Variants in KCNG4 observed in about 807,000 individuals in gnomAD.
KCNG4 encodes the protein potassium voltage-gated channel modifier subfamily G member 4, also known as voltage-gated potassium channel regulatory subunit KCNG4.
A neutral mutation model predicts 28.2 loss-of-function variants in KCNG4; 30 were observed. The ratio of observed to expected loss-of-function variants is 1.06; its 90% CI spans 0.80 to 1.44. The LOEUF (loss-of-function observed/expected upper bound fraction) is 1.44, where lower values mean the gene tolerates loss of function less well. Ranked by LOEUF, KCNG4 falls within the 40% of genes most tolerant of loss-of-function variation. The pLI is 0.00. For missense variants in KCNG4, 879 were observed against 712.3 expected (o/e 1.23, Z -2.66); for synonymous variants, 375 against 315.5 (o/e 1.19, Z -2.00).
intron 2 of KCNG4, among the ~76,000 whole-genome samples, chr16:84,231,490 G>A (rs764917640): frequency 1.4e-4 from 22 of 152,168 alleles, no homozygotes; most frequent in Non-Finnish European, 2.5e-4. Context: ...GAGAGGGTGC[G>A]AGGGATGCAT....
intron 2 of KCNG4, among the ~76,000 whole-genome samples, chr16:84,235,084 G>C (rs1027517235): frequency 6.6e-6 from 1 of 152,166 alleles, no homozygotes. Flanking sequence ...TGAAACTTTG[G>C]CTGCGCAGGT....
At chr16:84,229,943 G>A (rs1448738907) in intron 2 of KCNG4, among the ~76,000 whole-genome samples, 2 of 152,196 alleles carry the variant, frequency 1.3e-5, no homozygotes, top group East Asian at 1.9e-4. Flanking sequence ...AGTTTTTTAG[G>A]AAGCTGATTC....
Position 84,236,771 on chromosome 16 carries a change from A to G in KCNG4, c.715T>C (p.Cys239Arg). Residue 239 changes from cysteine (C) to arginine (R), a missense_variant, in exon 2 of 3, where the codon TGT becomes CGT. Coordinates refer to ENST00000308251, the MANE Select transcript of KCNG4 (RefSeq NM_172347.3). ...LFVATTAVSLCVSTMPDLRAE... is the reference protein window; with the variant it reads ...LFVATTAVSLRVSTMPDLRAE... The stretch of plus-strand genomic sequence containing the variant: ...CTGAGGTCGGGCATGGTGCTGACAC[A>G]CAGGCTGACGGCTGTGGTGGCCACG... 1 of 1,613,730 alleles carries G rather than the reference A, an allele frequency of 6.2e-7. No homozygotes were observed. Among genetic ancestry groups the G allele is most frequent in the South Asian group, 1.1e-5 (1 of 91,066 alleles).
chr16:84,222,140 C>G lies in KCNG4; in HGVS notation c.*77G>C, dbSNP rs1172378585. On this transcript the variant is annotated 3_prime_UTR_variant, in exon 3 of 3. Coordinates refer to ENST00000308251, the MANE Select transcript of KCNG4 (RefSeq NM_172347.3). ...GGCTCTAGAAACACCACCAGGTGGT[C>G]TATGCGGGGTACCCTTGAGTGTGTT... The G allele has an allele frequency of 6.9e-7, 1 of 1,444,136 alleles. No individual in the cohort carries two copies. Among genetic ancestry groups the G allele is most frequent in the African/African-American group, 1.4e-5 (1 of 71,470 alleles). The allele number at this position is 1,444,136 out of a possible 1,614,324, so 89.5% of individuals were successfully genotyped here.
intron 2 of KCNG4, among the ~76,000 whole-genome samples, chr16:84,227,727 T>C (rs1904729231): frequency 1.3e-5 from 2 of 152,120 alleles, no homozygotes; most frequent in Non-Finnish European, 2.9e-5. Context: ...TACAATGGAA[T>C]AGTAGTCAGC....
In KCNG4 at chr16:84,227,530, T is replaced by C. The variant is rs578087007; in HGVS notation, c.757-4510A>G. On this transcript the variant is annotated intron_variant, in intron 2 of 2. Transcript: ENST00000308251. ...AGGTGGAGGTTGCAGGGAGCCAAGC[T>C]TGTGCCACTGCACTGCAGCCTGGGC... Among the ~76,000 whole-genome samples the C allele has an allele frequency of 1.4e-3, 209 of 152,306 alleles. 1 individual carries two copies. The highest frequency in any genetic ancestry group is 4.4e-3 in the African/African-American group (181 of 41,572).
Position 84,221,147 on chromosome 16 carries a change from T to C in KCNG4, c.*1070A>G, listed in dbSNP as rs1448691360. The C allele has an allele frequency of 1.3e-5, 2 of 152,284 alleles. No homozygotes were observed. The highest frequency in any genetic ancestry group is 4.8e-5 in the African/African-American group (2 of 41,472). The allele number at this position is 152,284 out of a possible 1,614,324, so 9.4% of individuals were successfully genotyped here. A position where few individuals can be genotyped will look rare whatever the true frequency, so the allele number is the denominator to read the frequency against. On this transcript the variant is annotated 3_prime_UTR_variant, in exon 3 of 3. Coordinates refer to ENST00000308251, the MANE Select transcript of KCNG4 (RefSeq NM_172347.3). ...AGGACAGACTCTGTTCACAGATGAATGCAGAAATGAATACATTGAAATGTG... is the reference window on the plus strand; with the variant it reads ...AGGACAGACTCTGTTCACAGATGAACGCAGAAATGAATACATTGAAATGTG...
chr16:84,239,046 C>G (rs1304868120), intron 1 of KCNG4, among the ~76,000 whole-genome samples: 1 of 152,182 alleles, frequency 6.6e-6, no homozygotes, highest in Non-Finnish European at 1.5e-5. Flanking sequence ...GCTATTCATT[C>G]TAGCCAAAGC....
chr16:84,231,877 G>T (rs1485124487), intron 2 of KCNG4, among the ~76,000 whole-genome samples: 1 of 151,992 alleles, frequency 6.6e-6, no homozygotes, highest in Non-Finnish European at 1.5e-5. Flanking sequence ...GGTGTTGGGT[G>T]CCTATAATCC....
In KCNG4 at chr16:84,237,067, G is replaced by A. The variant is rs372954474; in HGVS notation, c.419C>T (p.Ala140Val). The change falls in exon 2 of 3, where the codon GCG becomes GTG. Residue 140 changes from alanine (A) to valine (V), a missense_variant. Transcript: ENST00000308251. The stretch of plus-strand genomic sequence containing the variant: ...GGCCAGCTCCTCCTGGAAGGACAGC[G>A]CGCACATCTCCTGCAGAAGCACCAG... ...GKLVLLQEMC[A>V]LSFQEELAYW... The A allele has an allele frequency of 3.5e-5, 56 of 1,613,956 alleles. No homozygotes were observed. Among genetic ancestry groups the A allele is most frequent in the African/African-American group, 2.4e-4 (18 of 74,910 alleles).
At position 84,236,593 on chromosome 16, in the gene KCNG4, A is replaced by G. The variant is rs142287071; in HGVS notation, c.756+137T>C. ...TTTATGACTGATGGCCTAATAATGA[A>G]TATAACCCATGTTGGATAATATTCA... On this transcript the variant is annotated intron_variant, in intron 2 of 2. Coordinates refer to ENST00000308251, the MANE Select transcript of KCNG4 (RefSeq NM_172347.3). The G allele has an allele frequency of 5.3e-5, 53 of 1,007,956 alleles. No individual in the cohort carries two copies. In the African/African-American group the frequency reaches 6.3e-4, roughly 12 times the overall value. 62.4% of individuals were successfully genotyped at this position (1,007,956 alleles called of 1,614,324 possible).
At chr16:84,228,270 C>G (rs74382793) in intron 2 of KCNG4, among the ~76,000 whole-genome samples, 2 of 152,194 alleles carry the variant, frequency 1.3e-5, no homozygotes, top group African/African-American at 4.8e-5. Flanking sequence ...CAGCAAAATG[C>G]TGCCAGCCCC....
chr16:84,222,618 G>T lies in KCNG4; in HGVS notation c.1159C>A (p.Pro387Thr). 2 of 1,613,346 alleles carry T rather than the reference G, an allele frequency of 1.2e-6. No homozygotes were observed. The highest frequency in any genetic ancestry group is 1.7e-6 in the Non-Finnish European group (2 of 1,179,992). The change falls in exon 3 of 3, where the codon CCT becomes ACT. Residue 387 changes from proline to threonine, a missense_variant. Pro to Thr is a conservative substitution (Grantham distance 38). Coordinates refer to ENST00000308251, the MANE Select transcript of KCNG4 (RefSeq NM_172347.3). ...TCCTTCTCGGCCACGTAGACCAAAG[G>T]GGAGAAGAGGGTGATGGCCACGGCC... is the stretch of plus-strand genomic sequence containing the variant. ...FLAVAITLFS[P>T]LVYVAEKESG... is the part of the protein sequence containing the mutation.
At position 84,222,259 on chromosome 16, in the gene KCNG4, G is replaced by T. The variant is rs140609235; in HGVS notation, c.1518C>A (p.Asp506Glu). 4 of 1,614,180 alleles carry T rather than the reference G, an allele frequency of 2.5e-6. No individual in the cohort carries two copies. The highest frequency in any genetic ancestry group is 3.4e-6 in the Non-Finnish European group (4 of 1,180,036). Reference protein sequence around the residue: ...SEHELMNDVNDLILEGPALPI... With the variant: ...SEHELMNDVNELILEGPALPI... ...GCAAGGCTGGGCCCTCCAGGATTAGGTCATTGACATCGTTCATGAGCTCAT... is the reference window on the plus strand; with the variant it reads ...GCAAGGCTGGGCCCTCCAGGATTAGTTCATTGACATCGTTCATGAGCTCAT... The change falls in exon 3 of 3, where the codon GAC becomes GAA. Residue 506 changes from aspartate (D) to glutamate (E), a missense_variant. Coordinates refer to ENST00000308251, the MANE Select transcript of KCNG4 (RefSeq NM_172347.3).
chr16:84,224,579 A>G (rs113236721), intron 2 of KCNG4, among the ~76,000 whole-genome samples: 24 of 152,378 alleles, frequency 1.6e-4, no homozygotes, highest in African/African-American at 5.3e-4. Context: ...GTGTCCACAG[A>G]AATCATAAAT....
intron 2 of KCNG4, among the ~76,000 whole-genome samples, chr16:84,225,891 C>G (rs758495945): frequency 8.5e-5 from 13 of 152,218 alleles, no homozygotes; most frequent in Non-Finnish European, 1.8e-4. Context: ...AGCACTGGTT[C>G]CTCAGAAATG....
chr16:84,228,089 C>A (rs942407670), intron 2 of KCNG4, among the ~76,000 whole-genome samples: 1 of 152,242 alleles, frequency 6.6e-6, no homozygotes, highest in Non-Finnish European at 1.5e-5. Context: ...GGTCCCACAG[C>A]CTGGCCCTCA....
chr16:84,231,230 A>G (rs1319401893), intron 2 of KCNG4, among the ~76,000 whole-genome samples: 2 of 152,196 alleles, frequency 1.3e-5, no homozygotes, highest in African/African-American at 4.8e-5. Context: ...GGGTGAGGAA[A>G]TAGAGGCACA....
intron 2 of KCNG4, among the ~76,000 whole-genome samples, chr16:84,223,541 G>A (rs949128412): frequency 6.6e-6 from 1 of 152,108 alleles, no homozygotes; most frequent in African/African-American, 2.4e-5. Context: ...CTGCCAGCCT[G>A]TACCTTAATG....
Sources: allele counts gnomAD v4.1 joint callset (sites outside exome capture counted in the v4.1 genomes callset), GRCh38; gene constraint gnomAD v4.1.1; transcripts MANE v1.5; gene names NCBI Gene and HGNC (gene_info 2026-07-23, HGNC 2026-07-21).